The following MEI4 variants were observed in gnomAD, a reference collection of about 807,000 sequenced individuals.
MEI4 encodes the protein meiosis-specific protein MEI4.
A neutral mutation model predicts 31.4 loss-of-function variants in MEI4; 27 were observed. The ratio of observed to expected loss-of-function variants is 0.86; its 90% CI spans 0.63 to 1.19. The LOEUF (loss-of-function observed/expected upper bound fraction) is 1.19. Ranked by LOEUF, MEI4 falls within the 50% of genes most tolerant of loss-of-function variation. The probability of loss-of-function intolerance (pLI) is 0.00; values close to 1 mark genes in which losing one functional copy is unlikely to be tolerated. For synonymous variants in MEI4, 122 were observed against 145.4 expected (o/e 0.84, Z 1.16); for missense variants, 329 against 398.9 (o/e 0.82, Z 1.49).
chr6:77,734,371 G>T (rs1035612145), intron 2 of MEI4, among the ~76,000 whole-genome samples: 58 of 152,046 alleles, frequency 3.8e-4, no homozygotes, highest in Admixed American at 9.2e-4. Flanking sequence ...TTGTTGAATT[G>T]ATCTCTTTAC....
At chr6:77,874,210 C>T (rs1466598226) in intron 4 of MEI4, among the ~76,000 whole-genome samples, 1 of 152,162 alleles carries the variant, frequency 6.6e-6, no homozygotes, top group Non-Finnish European at 1.5e-5. Flanking sequence ...TGGCCATTTT[C>T]ACAATATTGA....
chr6:77,754,932 T>TA (rs1286490403), intron 2 of MEI4, among the ~76,000 whole-genome samples: 1 of 152,132 alleles, frequency 6.6e-6, no homozygotes, highest in Non-Finnish European at 1.5e-5. Flanking sequence ...ATGTGGGTAT[T>TA]ACAGTTTGAG....
At chr6:77,912,665 T>G (rs982551135) in intron 4 of MEI4, among the ~76,000 whole-genome samples, 1 of 152,108 alleles carries the variant, frequency 6.6e-6, no homozygotes. Context: ...TTGTTTCAGT[T>G]TTCTCCAACT....
intron 1 of MEI4, among the ~76,000 whole-genome samples, chr6:77,666,789 A>G (rs1768642610): frequency 6.6e-6 from 1 of 152,058 alleles, no homozygotes; most frequent in Admixed American, 6.6e-5. Flanking sequence ...TCACTGGGGA[A>G]GTCTTTAGAA....
chr6:77,898,974 A>C (rs901119033), intron 4 of MEI4, among the ~76,000 whole-genome samples: 1 of 152,060 alleles, frequency 6.6e-6, no homozygotes, highest in Non-Finnish European at 1.5e-5. Context: ...GCAGGAAAGG[A>C]ACAACCATCC....
chr6:77,873,060 T>C (rs1324454084), intron 4 of MEI4, among the ~76,000 whole-genome samples: 1 of 151,964 alleles, frequency 6.6e-6, no homozygotes, highest in African/African-American at 2.4e-5. Flanking sequence ...TGTGTCTTTA[T>C]AGCAGCATGA....
At chr6:77,821,640 A>G (rs1186023947) in intron 3 of MEI4, among the ~76,000 whole-genome samples, 1 of 151,864 alleles carries the variant, frequency 6.6e-6, no homozygotes, top group Non-Finnish European at 1.5e-5. Flanking sequence ...TACTAAAAAT[A>G]CAAAATTAGC....
intron 1 of MEI4, among the ~76,000 whole-genome samples, chr6:77,668,338 G>A (rs1056535618): frequency 3.9e-5 from 6 of 152,148 alleles, no homozygotes; most frequent in African/African-American, 1.2e-4. Flanking sequence ...AAGTTACAGA[G>A]TGTCTGGAAG....
intron 2 of MEI4, among the ~76,000 whole-genome samples, chr6:77,741,099 G>T (rs1283527265): frequency 1.3e-5 from 2 of 152,116 alleles, no homozygotes; most frequent in Non-Finnish European, 2.9e-5. Flanking sequence ...TACACATCTG[G>T]ATTATGGTAT....
chr6:77,790,254 G>C (rs576794079), intron 3 of MEI4, among the ~76,000 whole-genome samples: 1 of 125,804 alleles, frequency 7.9e-6, no homozygotes, highest in Non-Finnish European at 1.6e-5. Flanking sequence ...GCCTGTTGTG[G>C]GGTGGGGGGA....
Position 77,726,751 on chromosome 6 carries a change from G to A in MEI4, c.233-34379G>A, listed in dbSNP as rs185542615. Among the ~76,000 whole-genome samples the A allele has an allele frequency of 5.1e-4, 77 of 152,274 alleles. 2 individuals are homozygous for A. Among genetic ancestry groups the A allele is most frequent in the African/African-American group, 1.3e-3 (56 of 41,566 alleles). Reference sequence around the variant, plus strand: ...GAGAAGATAGGTGTATTCTAAGCATGATGAGAAGAGAATGGACTAGGATGC... The same window carrying A: ...GAGAAGATAGGTGTATTCTAAGCATAATGAGAAGAGAATGGACTAGGATGC... On this transcript the variant is annotated intron_variant, in intron 2 of 4. Coordinates refer to ENST00000684080, the MANE Select transcript of MEI4 (RefSeq NM_001322247.2).
chr6:77,824,201 T>C (rs1194700862), intron 3 of MEI4, among the ~76,000 whole-genome samples: 3 of 152,280 alleles, frequency 2.0e-5, no homozygotes, highest in East Asian at 3.9e-4. Flanking sequence ...GCGATTCTCC[T>C]GCCTTGGCCT....
chr6:77,751,842 A>G (rs1415874526), intron 2 of MEI4, among the ~76,000 whole-genome samples: 1 of 152,198 alleles, frequency 6.6e-6, no homozygotes, highest in African/African-American at 2.4e-5. Context: ...AATATCCCTG[A>G]TGAACATCAA....
At chr6:77,683,627 C>T (rs1462845827) in intron 1 of MEI4, among the ~76,000 whole-genome samples, 1 of 152,122 alleles carries the variant, frequency 6.6e-6, no homozygotes, top group Admixed American at 6.5e-5. Flanking sequence ...TTTTAGATTT[C>T]ACATATAGTG....
At chr6:77,750,597 C>T (rs1420606254) in intron 2 of MEI4, among the ~76,000 whole-genome samples, 1 of 152,074 alleles carries the variant, frequency 6.6e-6, no homozygotes, top group Non-Finnish European at 1.5e-5. Flanking sequence ...GCAGCCAGTA[C>T]AGGAGCACCC....
At chr6:77,789,725 G>A (rs1768860572) in intron 3 of MEI4, among the ~76,000 whole-genome samples, 1 of 152,166 alleles carries the variant, frequency 6.6e-6, no homozygotes, top group African/African-American at 2.4e-5. Flanking sequence ...ACACCAGTTA[G>A]GATGGCAATC....
intron 2 of MEI4, among the ~76,000 whole-genome samples, chr6:77,703,367 C>T (rs1766264449): frequency 6.6e-6 from 1 of 152,120 alleles, no homozygotes; most frequent in Admixed American, 6.5e-5. Flanking sequence ...GAGAGCCACA[C>T]ATGTTTATAA....
chr6:77,840,139 C>T (rs557710587), intron 4 of MEI4, among the ~76,000 whole-genome samples: 2 of 152,278 alleles, frequency 1.3e-5, no homozygotes, highest in Non-Finnish European at 1.5e-5. Flanking sequence ...TACATACATG[C>T]ATACATGTGT....
intron 2 of MEI4, among the ~76,000 whole-genome samples, chr6:77,733,644 T>C (rs1767084331): frequency 6.6e-6 from 1 of 151,908 alleles, no homozygotes; most frequent in Non-Finnish European, 1.5e-5. Context: ...CTGCTCTGAT[T>C]TTAGTTATTT....
Sources: gnomAD v4.1 joint callset for allele counts (sites outside exome capture counted in the v4.1 genomes callset) on GRCh38, gnomAD v4.1.1 for gene constraint, MANE v1.5 for transcripts, NCBI Gene and HGNC (gene_info 2026-07-23, HGNC 2026-07-21) for gene names.